The following MBTPS1 variants were observed in gnomAD, a reference collection of about 807,000 sequenced individuals.
MBTPS1 encodes the protein membrane-bound transcription factor site-1 protease.
MBTPS1 carries 94 observed loss-of-function variants against 127.8 expected under a neutral mutation model. The observed-to-expected ratio is 0.74, with a 90% CI of 0.62 to 0.87. The LOEUF (loss-of-function observed/expected upper bound fraction) is 0.87, where lower values mean the gene tolerates loss of function less well. Among genes scored for constraint, MBTPS1 ranks in the 40% least tolerant of loss-of-function variants. The pLI, the probability that MBTPS1 is intolerant of heterozygous loss-of-function variation, is 0.00. For missense variants in MBTPS1, 1,636 were observed against 1,353.2 expected (o/e 1.21, Z -3.28); for synonymous variants, 632 against 509.4 (o/e 1.24, Z -3.24).
chr16:84,069,123 C>G (rs1234624295), intron 14 of MBTPS1, among the ~76,000 whole-genome samples: 1 of 152,244 alleles, frequency 6.6e-6, no homozygotes, highest in Non-Finnish European at 1.5e-5. Context: ...TTTTAAAAGG[C>G]AAGTCTGACT....
At chr16:84,091,437 G>T (rs2086105315) in intron 7 of MBTPS1, among the ~76,000 whole-genome samples, 1 of 137,734 alleles carries the variant, frequency 7.3e-6, no homozygotes, top group Non-Finnish European at 1.5e-5. Context: ...AGTGAGCCAA[G>T]ACTGTGCCAT....
intron 9 of MBTPS1, chr16:84,086,112 AC>A (rs1294830263): frequency 6.6e-6 from 1 of 152,168 alleles, no homozygotes; most frequent in African/African-American, 2.4e-5. Flanking sequence ...TGACCATCAA[AC>A]CCAAGGACCA....
intron 1 of MBTPS1, among the ~76,000 whole-genome samples, chr16:84,112,477 C>T (rs1030335745): frequency 6.6e-6 from 1 of 151,400 alleles, no homozygotes; most frequent in African/African-American, 2.4e-5. Context: ...GGCTAACACA[C>T]TGAAACCCCG....
chr16:84,089,622 A>C (rs141083944), intron 8 of MBTPS1, among the ~76,000 whole-genome samples: 5,832 of 152,206 alleles, frequency 0.038, 128 homozygotes, highest in African/African-American at 0.045. Flanking sequence ...TCTCATAGGT[A>C]CTCTGCAGGC....
intron 10 of MBTPS1, 98 bp downstream of exon 10, chr16:84,084,885 C>G: frequency 7.3e-7 from 1 of 1,377,188 alleles, no homozygotes; most frequent in Non-Finnish European, 1.0e-6. Flanking sequence ...CTCTCAAACC[C>G]AAGACAGGGC....
At chr16:84,116,082 G>T (rs1316487447) in intron 1 of MBTPS1, among the ~76,000 whole-genome samples, 1 of 152,146 alleles carries the variant, frequency 6.6e-6, no homozygotes, top group African/African-American at 2.4e-5. Context: ...TTCAACGCAG[G>T]TCGTATTCCA....
At chr16:84,066,241 C>T (rs2085681481) in intron 17 of MBTPS1, among the ~76,000 whole-genome samples, 1 of 152,162 alleles carries the variant, frequency 6.6e-6, no homozygotes, top group Non-Finnish European at 1.5e-5. Context: ...CTATTTGGGA[C>T]TACTACATAA....
At chr16:84,065,580 C>T (rs1398806109) in intron 18 of MBTPS1, 110 bp downstream of exon 18, 1 of 754,164 alleles carries the variant, frequency 1.3e-6, no homozygotes, top group Non-Finnish European at 2.3e-6. Flanking sequence ...AAATTATATG[C>T]AATAAAGCTT....
intron 20 of MBTPS1, chr16:84,060,245 C>A (rs2085589157): frequency 6.5e-6 from 1 of 153,400 alleles, no homozygotes; most frequent in Non-Finnish European, 1.5e-5. Flanking sequence ...CATCTGGAAA[C>A]TGGGAATAAT....
At chr16:84,065,090 C>CA (rs1567474667) in intron 18 of MBTPS1, among the ~76,000 whole-genome samples, 1 of 147,380 alleles carries the variant, frequency 6.8e-6, no homozygotes. Flanking sequence ...TAAAGGGTAA[C>CA]AAAAAAATTC....
Position 84,085,033 on chromosome 16 carries a change from C to T in MBTPS1, c.1236G>A (p.Gly412=). ...CAACCACTGGAGAAGCAACACTGGT[C>T]CCTGAGAGGGCCCGGCACCCCCCTT... The part of the protein sequence containing the change: ...GVKGGCRALS[G]TSVASPVVAG... Residue 412 remains glycine (G), a synonymous_variant, in exon 10 of 23, where the codon GGG becomes GGA. Coordinates refer to ENST00000343411, the MANE Select transcript of MBTPS1 (RefSeq NM_003791.4). The T allele has an allele frequency of 6.2e-7, 1 of 1,614,208 alleles. No individual in the cohort carries two copies.
rs938056388 is a variant in MBTPS1 at position 84,099,729 on chromosome 16, A to G, written c.164-419T>C. Among the ~76,000 whole-genome samples, 3 of 150,860 alleles carry G rather than the reference A, an allele frequency of 2.0e-5. No homozygotes were observed. In the Admixed American group the frequency reaches 2.0e-4, roughly 10 times the overall value. ...GAGGCGGAGATTGCAGTAAGCAGAG[A>G]TTGCACCACTGCACTCCTGCCTGGT... On this transcript the variant is annotated intron_variant, in intron 2 of 22. Coordinates refer to ENST00000343411, the MANE Select transcript of MBTPS1 (RefSeq NM_003791.4).
intron 18 of MBTPS1, among the ~76,000 whole-genome samples, chr16:84,064,627 A>G (rs2085655819): frequency 6.6e-6 from 1 of 152,208 alleles, no homozygotes; most frequent in Admixed American, 6.5e-5. Context: ...GTACAAGCCA[A>G]TGAGACCACC....
At chr16:84,098,293 G>A (rs1222171548) in intron 3 of MBTPS1, among the ~76,000 whole-genome samples, 1 of 152,152 alleles carries the variant, frequency 6.6e-6, no homozygotes, top group African/African-American at 2.4e-5. Flanking sequence ...CGAAACCCCA[G>A]GAAAACATGT....
chr16:84,093,383 C>T, intron 5 of MBTPS1, 86 bp from the exon 6 acceptor site: 4 of 903,896 alleles, frequency 4.4e-6, no homozygotes, highest in Non-Finnish European at 7.3e-6. Flanking sequence ...AGTTCCACGG[C>T]CTTCCATTTC....
intron 19 of MBTPS1, among the ~76,000 whole-genome samples, chr16:84,062,867 G>A (rs1198426644): frequency 1.3e-5 from 2 of 152,210 alleles, no homozygotes; most frequent in Non-Finnish European, 2.9e-5. Flanking sequence ...TTCCAGGTCT[G>A]GAAGGACAGC....
chr16:84,097,920 A>G (rs1289866734), intron 3 of MBTPS1, among the ~76,000 whole-genome samples: 1 of 151,908 alleles, frequency 6.6e-6, no homozygotes, highest in East Asian at 1.9e-4. Context: ...TTAGGCCTAA[A>G]ATATGATAGA....
At chr16:84,102,630 C>G (rs548983101) in intron 1 of MBTPS1, among the ~76,000 whole-genome samples, 1 of 152,346 alleles carries the variant, frequency 6.6e-6, no homozygotes, top group South Asian at 2.1e-4. Context: ...TATTTCCTAT[C>G]ATTTGCAACT....
intron 11 of MBTPS1, among the ~76,000 whole-genome samples, chr16:84,077,287 C>T (rs563388267): frequency 1.9e-4 from 27 of 144,208 alleles, no homozygotes; most frequent in Middle Eastern, 3.5e-3. Flanking sequence ...GAAAAGAATA[C>T]CCAAGAAAAC....
Sources: allele counts gnomAD v4.1 joint callset (sites outside exome capture counted in the v4.1 genomes callset), GRCh38; gene constraint gnomAD v4.1.1; transcripts MANE v1.5; gene names NCBI Gene and HGNC (gene_info 2026-07-23, HGNC 2026-07-21).